Variants in CHODL observed in about 807,000 individuals in gnomAD.
CHODL encodes transmembrane protein MT75.
Under a neutral mutation model 34.5 loss-of-function variants are expected in CHODL, and 29 were observed. The observed-to-expected ratio is 0.84, with a 90% CI of 0.63 to 1.15. CHODL has a LOEUF of 1.15. Ranked by LOEUF, CHODL falls within the 50% of genes most tolerant of loss-of-function variation. The pLI, the probability that CHODL is intolerant of heterozygous loss-of-function variation, is 0.00. For synonymous variants in CHODL, 125 were observed against 116.1 expected (o/e 1.08, Z -0.49); for missense variants, 332 against 332.5 (o/e 1.00, Z 0.01).
intron 1 of CHODL, among the ~76,000 whole-genome samples, chr21:18,253,228 A>G (rs978442490): frequency 1.3e-5 from 2 of 152,088 alleles, no homozygotes; most frequent in African/African-American, 2.4e-5. Flanking sequence ...TAGCATATGC[A>G]TCATACCCAG....
At chr21:18,133,876 C>T (rs959697018) in intron 2 of CHODL, among the ~76,000 whole-genome samples, 1 of 152,096 alleles carries the variant, frequency 6.6e-6, no homozygotes, top group East Asian at 1.9e-4. Context: ...ATCTCTTCTG[C>T]CAGCATCTAT....
intron 2 of CHODL, among the ~76,000 whole-genome samples, chr21:18,204,829 C>T (rs879064513): frequency 6.6e-6 from 1 of 151,926 alleles, no homozygotes; most frequent in Non-Finnish European, 1.5e-5. Flanking sequence ...AAATATATAC[C>T]ATATTAAATA....
Position 18,163,847 on chromosome 21 carries a change from T to G in CHODL, c.-44-92662T>G, listed in dbSNP as rs368702171. 3.2e-4 allele frequency among the ~76,000 whole-genome samples: 48 copies of G among 152,162 alleles called. 2 individuals are homozygous for G. The East Asian group carries it at 5.8e-3, about 18-fold the overall frequency. ...GAGAAGCCTCAAAACTTAGCAAGAG[T>G]ACTGATCAATCAACCACAGCTAAAC... On this transcript the variant is annotated intron_variant, in intron 2 of 6. Coordinates refer to the CHODL transcript ENST00000400127.
intron 2 of CHODL, among the ~76,000 whole-genome samples, chr21:18,070,026 C>CCCTTCCCTTCCCTTCCCTTCCCT (rs1491313294): frequency 7.4e-5 from 1 of 13,518 alleles, no homozygotes; most frequent in African/African-American, 1.6e-4. Context: ...TCCCTTCCCT[C>CCCTTCCCTTCCCTTCCCTTCCCT]CCCCCCCCCA....
chr21:18,243,736 A>G (rs1164664752), upstream of CHODL, among the ~76,000 whole-genome samples: 1 of 152,084 alleles, frequency 6.6e-6, no homozygotes, highest in Non-Finnish European at 1.5e-5. Flanking sequence ...CAAGTGCTAA[A>G]ATTTCTGATT....
intron 2 of CHODL, among the ~76,000 whole-genome samples, chr21:18,073,199 G>A (rs112772785): frequency 5.3e-5 from 8 of 152,070 alleles, no homozygotes; most frequent in Non-Finnish European, 7.4e-5. Context: ...TAGACAAAAC[G>A]TTAGCAACTT....
intron 2 of CHODL, among the ~76,000 whole-genome samples, chr21:18,108,696 C>T (rs1476144771): frequency 5.9e-5 from 9 of 152,018 alleles, no homozygotes; most frequent in African/African-American, 1.5e-4. Context: ...TTGGTCATTC[C>T]ACTGGAAAAA....
At chr21:18,124,379 A>C (rs955813350) in intron 2 of CHODL, among the ~76,000 whole-genome samples, 16 of 152,222 alleles carry the variant, frequency 1.1e-4, no homozygotes, top group African/African-American at 3.6e-4. Context: ...TTGCTACTCA[A>C]TGTCTTCGGA....
intron 1 of CHODL, among the ~76,000 whole-genome samples, chr21:18,007,253 C>A (rs1449912388): frequency 2.0e-5 from 3 of 152,184 alleles, no homozygotes; most frequent in Non-Finnish European, 4.4e-5. Flanking sequence ...GAGGTGGGCA[C>A]AGGATTTGTT....
intron 2 of CHODL, among the ~76,000 whole-genome samples, chr21:18,110,223 C>T (rs527865372): frequency 4.6e-5 from 7 of 152,326 alleles, no homozygotes; most frequent in Admixed American, 3.3e-4. Flanking sequence ...GCATTGGCCT[C>T]ATATCATGTG....
chr21:17,975,333 C>A (rs1002644374), intron 1 of CHODL, among the ~76,000 whole-genome samples: 1 of 151,972 alleles, frequency 6.6e-6, no homozygotes, highest in Non-Finnish European at 1.5e-5. Context: ...AACTACTTAT[C>A]GAGTAGTATG....
intron 1 of CHODL, among the ~76,000 whole-genome samples, chr21:17,999,967 T>C (rs1040415008): frequency 2.6e-5 from 4 of 152,210 alleles, no homozygotes; most frequent in Non-Finnish European, 5.9e-5. Flanking sequence ...AGAGAAATAC[T>C]CTTCTTTCTC....
At chr21:17,917,467 C>G (rs1020037933) in intron 1 of CHODL, 1 of 152,024 alleles carries the variant, frequency 6.6e-6, no homozygotes, top group Admixed American at 6.5e-5. Flanking sequence ...CTGAAAAACC[C>G]TGAAGAACAC....
At chr21:18,103,371 A>T (rs1491768) in intron 2 of CHODL, among the ~76,000 whole-genome samples, 57 of 152,090 alleles carry the variant, frequency 3.7e-4, no homozygotes, top group African/African-American at 1.3e-3. Flanking sequence ...TAAAACAATC[A>T]GAGTTTGACT....
Position 17,988,047 on chromosome 21 carries a change from A to T in CHODL, c.-144-39825A>T, listed in dbSNP as rs1391240167. Among the ~76,000 whole-genome samples, 6 of 136,118 alleles carry T rather than the reference A, an allele frequency of 4.4e-5. No homozygotes were observed. The East Asian group carries it at 1.1e-3, about 25-fold the overall frequency. The allele number at this position is 136,118 out of a possible 152,430, so 89.3% of individuals were successfully genotyped here. The stretch of plus-strand genomic sequence containing the variant: ...TAAGTCATTTATCTACTTCAAAAAA[A>T]TCCCATAAAAAAGTCATTATGAAAA... On this transcript the variant is annotated intron_variant, in intron 1 of 6. Transcript: ENST00000400127.
At chr21:18,136,105 CAAAAAAAAAAAAAGAAAAAGA>C (rs1341743369) in intron 2 of CHODL, among the ~76,000 whole-genome samples, 2 of 89,468 alleles carry the variant, frequency 2.2e-5, no homozygotes, top group Non-Finnish European at 4.1e-5. Flanking sequence ...GATTATGTCT[CAAAAAAAAAAAAAGAAAAAGA>C]AAAAAAAGAA....
At chr21:18,040,779 A>G (rs2064365868) in intron 2 of CHODL, among the ~76,000 whole-genome samples, 1 of 151,768 alleles carries the variant, frequency 6.6e-6, no homozygotes, top group Non-Finnish European at 1.5e-5. Flanking sequence ...TTTACTTCAA[A>G]TATAGCTTTC....
intron 2 of CHODL, among the ~76,000 whole-genome samples, chr21:18,065,768 G>A (rs1442414164): frequency 1.3e-5 from 2 of 152,126 alleles, no homozygotes; most frequent in African/African-American, 2.4e-5. Context: ...GAAAGACTAT[G>A]GCACTTTTGG....
At chr21:18,105,301 T>C (rs916508215) in intron 2 of CHODL, among the ~76,000 whole-genome samples, 2 of 152,210 alleles carry the variant, frequency 1.3e-5, no homozygotes, top group African/African-American at 4.8e-5. Context: ...CAGGACCAGC[T>C]GTAGCAGAGC....
Sources: allele counts gnomAD v4.1 joint callset (sites outside exome capture counted in the v4.1 genomes callset), GRCh38; gene constraint gnomAD v4.1.1; transcripts MANE v1.5; gene names NCBI Gene and HGNC (gene_info 2026-07-23, HGNC 2026-07-21).